Variants in ESPL1 observed in about 807,000 individuals in gnomAD.
ESPL1 encodes the protein separin.
A neutral mutation model predicts 217.2 loss-of-function variants in ESPL1; 50 were observed. That is an observed-to-expected ratio of 0.23 (90% CI 0.18 to 0.29). ESPL1 has a LOEUF of 0.29. ESPL1 is among the 10% of genes least tolerant of loss of function. The probability of loss-of-function intolerance (pLI) is 1.00; values close to 1 mark genes in which losing one functional copy is unlikely to be tolerated. For synonymous variants in ESPL1, 994 were observed against 1,081.3 expected (o/e 0.92, Z 1.58); for missense variants, 1,834 against 2,603.0 (o/e 0.70, Z 6.43).
chr12:53,281,975 G>A (rs565813960), intron 13 of ESPL1, among the ~76,000 whole-genome samples: 27 of 152,260 alleles, frequency 1.8e-4, no homozygotes, highest in Admixed American at 1.6e-3. Flanking sequence ...ACTTGGGCAC[G>A]TCTTCTACCT....
Position 53,290,916 on chromosome 12 carries a change from G to T in ESPL1, c.5440G>T (p.Gly1814Cys). The stretch of plus-strand genomic sequence containing the variant: ...GCTGCTGCCGTCCAGTGAGGAGCCC[G>T]GCCCTGCCCAGGAGGCCTCCCGCCT... ...GLLLPSSEEP[G>C]PAQEASRLQE... Residue 1814 changes from glycine (G) to cysteine (C), a missense_variant, in exon 25 of 31, where the codon GGC (glycine) becomes TGC (cysteine). Gly to Cys is a radical substitution (Grantham distance 159). Transcript: ENST00000257934. 1 of 1,607,144 alleles carries T rather than the reference G, an allele frequency of 6.2e-7. No homozygotes were observed. Among genetic ancestry groups the T allele is most frequent in the Non-Finnish European group, 8.5e-7 (1 of 1,177,210 alleles).
rs1244435643 is a variant in ESPL1, at chr12:53,288,175, G to A, written c.4380G>A (p.Lys1460=). 6.2e-7 allele frequency: 1 copy of A among 1,612,416 alleles called. No homozygotes were observed. The highest frequency in any genetic ancestry group is 1.3e-5 in the African/African-American group (1 of 74,932). The change falls in exon 19 of 31, where the codon AAG becomes AAA. Residue 1460 remains lysine (K), a synonymous_variant. Transcript: ENST00000257934. ...GLNGRSRRAK[K]VASRHCEERR... ...ATGGCAGGAGCCGGAGGGCCAAGAA[G>A]GTGGCATCAAGACATTGTGAGGAGC...
In ESPL1 at chr12:53,292,904, C is replaced by T. The variant is rs1271389165; in HGVS notation, c.6095C>T (p.Ala2032Val). 2.5e-6 allele frequency: 4 copies of T among 1,613,668 alleles called. No homozygotes were observed. The highest frequency in any genetic ancestry group is 3.4e-6 in the Non-Finnish European group (4 of 1,179,998). ...GCCCTGCTGTTTGGCTGTAGCAGTG[C>T]GGCCCTGGCTGTGCGTGGAAACCTG... Reference protein sequence around the residue: ...AVALLFGCSSAALAVRGNLEG... With the variant: ...AVALLFGCSSVALAVRGNLEG... Residue 2032 changes from alanine to valine, a missense_variant, in exon 30 of 31, where the codon GCG becomes GTG. By Grantham distance (64) the Ala-to-Val change is moderately conservative. This residue lies in a region of ESPL1 where 295 missense variants were observed against 519.8 expected (regional missense o/e 0.57). Coordinates refer to ENST00000257934, the MANE Select transcript of ESPL1 (RefSeq NM_012291.5). This position sits in a 1 kb window ranked among gnomAD's most constrained non-coding sequence, Gnocchi z 4.5.
chr12:53,289,761 T>C, intron 22 of ESPL1, 167 bp downstream of exon 22: 1 of 658,912 alleles, frequency 1.5e-6, no homozygotes, highest in South Asian at 2.1e-5. Flanking sequence ...TGTTGTTTTT[T>C]TTAAACCTCA....
rs762547257 is a variant in ESPL1 at position 53,286,069 on chromosome 12, T to G, written c.3333T>G (p.Thr1111=). The change falls in exon 18 of 31, where the codon ACT becomes ACG. Residue 1111 remains threonine, a synonymous_variant. Coordinates refer to ENST00000257934, the MANE Select transcript of ESPL1 (RefSeq NM_012291.5). This position sits in a 1 kb window ranked among gnomAD's most constrained non-coding sequence, Gnocchi z 5.3. ...LRGPALELVA[T]VAKEPGPIAP... ...GCCCTGCTCTAGAGCTGGTGGCCACTGTGGCCAAGGAGCCTGGCCCCATAG... is the reference window on the plus strand; with the variant it reads ...GCCCTGCTCTAGAGCTGGTGGCCACGGTGGCCAAGGAGCCTGGCCCCATAG... The G allele has an allele frequency of 6.2e-7, 1 of 1,611,074 alleles. No homozygotes were observed. Among genetic ancestry groups the G allele is most frequent in the African/African-American group, 1.3e-5 (1 of 74,994 alleles).
At chr12:53,283,586 TG>T in intron 16 of ESPL1, 48 bp downstream of exon 16, 2 of 1,566,286 alleles carry the variant, frequency 1.3e-6, no homozygotes, top group Non-Finnish European at 1.7e-6. Flanking sequence ...CAAAGTGCCA[TG>T]CACCCTTGAA....
At chr12:53,280,095 C>A (rs781435606) in intron 12 of ESPL1, among the ~76,000 whole-genome samples, 2 of 152,182 alleles carry the variant, frequency 1.3e-5, no homozygotes, top group Admixed American at 6.6e-5. Context: ...GCTGCAGGAA[C>A]CTACCGCCAG....
At position 53,277,879 on chromosome 12, in the gene ESPL1, G is replaced by T. The variant is rs149815657; in HGVS notation, c.2283G>T (p.Gly761=). The T allele has an allele frequency of 1.6e-3, 2,506 of 1,614,208 alleles. 49 individuals carry two copies. The South Asian group carries it at 0.025, about 16-fold the overall frequency. ...LALWKELLTK[G]QAPAVRCLQQ... ...TGTGGAAGGAGCTGCTTACAAAGGG[G>T]CAGGCCCCAGCTGTACGGTGTCTCC... Residue 761 remains glycine, a synonymous_variant, in exon 11 of 31, where the codon GGG becomes GGT. Coordinates refer to ENST00000257934, the MANE Select transcript of ESPL1 (RefSeq NM_012291.5).
chr12:53,269,357 G>A lies in ESPL1; in HGVS notation c.415G>A (p.Asp139Asn), dbSNP rs773627175. Residue 139 changes from aspartate to asparagine, a missense_variant, in exon 3 of 31, where the codon GAC becomes AAC. Around this residue, in one of 5 missense-constraint regions of ESPL1, gnomAD observed 746 missense variants for 1,077.0 expected, o/e 0.69. Transcript: ENST00000257934. The surrounding 1 kb of genome is among the most constrained non-coding windows in gnomAD (Gnocchi z 6.7). ...VQCSREAAPQ[D>N]YEAVARGSFS... ...GTGCTCTCGCGAGGCTGCTCCCCAG[G>A]ACTATGAGGCCGTGGCTCGGGGCAG... 11 of 1,613,970 alleles carry A rather than the reference G, an allele frequency of 6.8e-6. No homozygotes were observed. Among genetic ancestry groups the A allele is most frequent in the Middle Eastern group, 1.6e-4 (1 of 6,084 alleles).
At chr12:53,272,416 G>A (rs1943692372) in intron 5 of ESPL1, among the ~76,000 whole-genome samples, 2 of 152,156 alleles carry the variant, frequency 1.3e-5, no homozygotes, top group Non-Finnish European at 2.9e-5. Context: ...TGGAGGATGT[G>A]AGGGAGTCAG....
At chr12:53,275,607 A>C (rs558073235) in intron 7 of ESPL1, among the ~76,000 whole-genome samples, 77 of 152,092 alleles carry the variant, frequency 5.1e-4, no homozygotes, top group Admixed American at 1.2e-3. Context: ...TGCCCACTGT[A>C]TGCTAGCCAC....
chr12:53,278,488 T>A (rs1236453446), intron 11 of ESPL1, among the ~76,000 whole-genome samples: 2 of 146,722 alleles, frequency 1.4e-5, no homozygotes, highest in Non-Finnish European at 3.0e-5. Flanking sequence ...GCTATTTCAT[T>A]AAAAAAAAAA....
intron 12 of ESPL1, 90 bp from the exon 13 acceptor site, chr12:53,281,417 G>A (rs1291620798): frequency 4.2e-5 from 57 of 1,355,390 alleles, no homozygotes; most frequent in Non-Finnish European, 3.2e-5. Context: ...GGGATTACAG[G>A]TGTGAGCCAC....
At chr12:53,271,947 C>T (rs914120467) in intron 5 of ESPL1, among the ~76,000 whole-genome samples, 6 of 151,944 alleles carry the variant, frequency 3.9e-5, no homozygotes, top group Non-Finnish European at 7.4e-5. Flanking sequence ...ATTAGCCGGG[C>T]GTGGTGGCAG....
At position 53,274,703 on chromosome 12, in the gene ESPL1, C is replaced by T. The variant is rs1592480475; in HGVS notation, c.1507-114C>T. ...GGGTGGGTGTGGCTCAGGAGGCCCA[C>T]CTGCCAACCCCGCCCCCTCATGTGG... is the stretch of plus-strand genomic sequence containing the variant. On this transcript the variant is annotated intron_variant, in intron 6 of 30. Transcript: ENST00000257934. The T allele has an allele frequency of 6.0e-6, 5 of 831,802 alleles. No individual in the cohort carries two copies. In the East Asian group the frequency reaches 1.3e-4, roughly 22 times the overall value. 51.5% of individuals were successfully genotyped at this position (831,802 alleles called of 1,614,324 possible).
chr12:53,286,708 C>T lies in ESPL1; in HGVS notation c.3972C>T (p.Ala1324=). The change falls in exon 18 of 31, where the codon GCC becomes GCT. Residue 1324 remains alanine (A), a synonymous_variant. Transcript: ENST00000257934. This position sits in a 1 kb window ranked among gnomAD's most constrained non-coding sequence, Gnocchi z 5.3. ...CTGGACGAGGGCGCCAAAAGTTAGC[C>T]TCTGCTCCCCTGCGCCTCAATAATA... is the stretch of plus-strand genomic sequence containing the variant. ...KRSGRGRQKL[A]SAPLRLNNTS... 1 of 1,614,142 alleles carries T rather than the reference C, an allele frequency of 6.2e-7. No homozygotes were observed. Among genetic ancestry groups the T allele is most frequent in the Non-Finnish European group, 8.5e-7 (1 of 1,180,020 alleles).
intron 11 of ESPL1, among the ~76,000 whole-genome samples, chr12:53,278,608 T>C (rs75855834): frequency 6.6e-6 from 1 of 151,668 alleles, no homozygotes; most frequent in Middle Eastern, 3.4e-3. Flanking sequence ...TTTTTTTTTT[T>C]CAAGATGGAG....
Position 53,291,393 on chromosome 12 carries a change from C to A in ESPL1, c.5521-297C>A, listed in dbSNP as rs148519239. 5.5e-3 allele frequency among the ~76,000 whole-genome samples: 835 copies of A among 151,882 alleles called. 8 individuals are homozygous for A. Among genetic ancestry groups the A allele is most frequent in the African/African-American group, 0.019 (788 of 41,418 alleles). On this transcript the variant is annotated intron_variant, in intron 25 of 30. Coordinates refer to ENST00000257934, the MANE Select transcript of ESPL1 (RefSeq NM_012291.5). ...GGGTCACAAGGTCAAGAGGTGAAGA[C>A]CATCCTGGCCAACAGGGTGAAACCC...
Position 53,278,843 on chromosome 12 carries a change from C to T in ESPL1, c.2364+883C>T, listed in dbSNP as rs188410040. Among the ~76,000 whole-genome samples the T allele has an allele frequency of 5.6e-3, 857 of 152,112 alleles. 5 individuals carry two copies. The highest frequency in any genetic ancestry group is 0.019 in the African/African-American group (804 of 41,490). On this transcript the variant is annotated intron_variant, in intron 11 of 30. Transcript: ENST00000257934. Reference sequence around the variant, plus strand: ...TCAGGTGATCCACCCGCCTCAGCCTCCCAAAGTGCTGGGATTACAGGCGTG... The same window carrying T: ...TCAGGTGATCCACCCGCCTCAGCCTTCCAAAGTGCTGGGATTACAGGCGTG...
Sources: gnomAD v4.1 joint callset for allele counts (sites outside exome capture counted in the v4.1 genomes callset) on GRCh38, gnomAD v4.1.1 for gene constraint, gnomAD v4.1.1 regional missense constraint, Gnocchi (gnomAD v3.1) non-coding constraint, MANE v1.5 for transcripts, NCBI Gene and HGNC (gene_info 2026-07-23, HGNC 2026-07-21) for gene names.